Variants in GLG1 observed in about 807,000 individuals in gnomAD.
The protein encoded by GLG1 is Golgi apparatus protein 1.
GLG1 carries 38 observed loss-of-function variants against 160.5 expected under a neutral mutation model. The ratio of observed to expected loss-of-function variants is 0.24; its 90% confidence interval spans 0.18 to 0.31. The LOEUF (loss-of-function observed/expected upper bound fraction) is 0.31. Ranked by LOEUF, GLG1 falls within the 10% of genes least tolerant of loss-of-function variation. The pLI is 1.00. For synonymous variants in GLG1, 644 were observed against 543.4 expected, an observed-to-expected ratio of 1.19 and a Z score of -2.57; for missense variants, 1,373 against 1,505.2, an observed-to-expected ratio of 0.91 and a Z score of 1.45.
In GLG1 at chr16:74,589,592, G is replaced by A. The variant is rs79106234; in HGVS notation, c.438+17065C>T. Among the ~76,000 whole-genome samples the A allele has an allele frequency of 2.8e-3, 420 of 152,226 alleles. 4 individuals are homozygous for A. Among genetic ancestry groups the A allele is most frequent in the African/African-American group, 9.5e-3 (394 of 41,524 alleles). On this transcript the variant is annotated intron_variant, in intron 1 of 25. Transcript: ENST00000422840. ...CACTACACTATTTATTTGCGGGTGT[G>A]GGGCAGCAAGATGTGTATGGAGCCA...
intron 3 of GLG1, 65 bp downstream of exon 3, chr16:74,508,774 A>G (rs16958608): frequency 6.8e-6 from 5 of 736,756 alleles, no homozygotes; most frequent in Non-Finnish European, 1.0e-5. Flanking sequence ...TCTTCTCATA[A>G]GGGCTGGTCT....
intron 2 of GLG1, among the ~76,000 whole-genome samples, chr16:74,515,741 G>C (rs2016957603): frequency 6.6e-6 from 1 of 151,628 alleles, no homozygotes; most frequent in East Asian, 1.9e-4. Flanking sequence ...CCAATTAAAA[G>C]ACACAGATTG....
At chr16:74,551,460 A>G (rs995174755) in intron 1 of GLG1, among the ~76,000 whole-genome samples, 14 of 123,662 alleles carry the variant, frequency 1.1e-4, no homozygotes, top group Non-Finnish European at 2.3e-4. Context: ...GCACACCACC[A>G]TGTCTGGCTA....
chr16:74,591,219 T>A lies in GLG1; in HGVS notation c.438+15438A>T, dbSNP rs748625827. ...CTTGGCATGCACCTGTAGTCCCAGC[T>A]ACTCAGGAGGCTGACGCAGAAGAAT... On this transcript the variant is annotated intron_variant, in intron 1 of 25. Coordinates refer to ENST00000422840, the MANE Select transcript of GLG1 (RefSeq NM_001145667.2). Among the ~76,000 whole-genome samples, 95 of 151,768 alleles carry A rather than the reference T, an allele frequency of 6.3e-4. 2 individuals carry two copies. Among genetic ancestry groups the A allele is most frequent in the Non-Finnish European group, 2.1e-4 (14 of 67,982 alleles).
intron 9 of GLG1, among the ~76,000 whole-genome samples, chr16:74,484,565 A>AG (rs1189242258): frequency 6.6e-6 from 1 of 151,978 alleles, no homozygotes; most frequent in East Asian, 2.0e-4. Flanking sequence ...GTTCAAGACC[A>AG]GCCTAACCAA....
rs567614609 is a variant in GLG1, at chr16:74,453,200, G to A, written c.3507C>T (p.Thr1169=). The change falls in exon 26 of 26, where the codon ACC becomes ACT. Residue 1169 remains threonine, a synonymous_variant. Coordinates refer to ENST00000422840, the MANE Select transcript of GLG1 (RefSeq NM_001145667.2). The part of the protein sequence containing the change: ...FLIGLMCGRI[T]KRVTRELKDR Reference sequence around the variant, plus strand: ...CCTTGAGCTCTCGTGTCACTCGCTTGGTGATCCGTCCACACATCAGGCCAA... The same window carrying A: ...CCTTGAGCTCTCGTGTCACTCGCTTAGTGATCCGTCCACACATCAGGCCAA... 3.0e-5 allele frequency: 48 copies of A among 1,613,886 alleles called. No homozygotes were observed. Among genetic ancestry groups the A allele is most frequent in the Non-Finnish European group, 4.0e-5 (47 of 1,179,962 alleles).
rs1172759900 is a variant in GLG1 at position 74,540,060 on chromosome 16, ATATATATATAT to A, written c.439-7918_439-7908del. 1.6e-3 allele frequency among the ~76,000 whole-genome samples: 2 copies of A among 1,246 alleles called. 1 individual carries two copies. Among genetic ancestry groups the A allele is most frequent in the Non-Finnish European group, 4.7e-3 (2 of 422 alleles). 0.8% of individuals were successfully genotyped at this position (1,246 alleles called of 152,430 possible). A position where few individuals can be genotyped will look rare whatever the true frequency, so the allele number is the denominator to read the frequency against. On this transcript the variant is annotated intron_variant, in intron 1 of 25. Transcript: ENST00000422840. ...TTTATATATATATTATATATATTTT[ATATATATATAT>A]TATATATATTTTATATATATATTAT...
Position 74,493,129 on chromosome 16 carries a change from T to C in GLG1, c.1062A>G (p.Ala354=). 1.9e-6 allele frequency: 3 copies of C among 1,611,328 alleles called. No homozygotes were observed. Among genetic ancestry groups the C allele is most frequent in the Non-Finnish European group, 2.5e-6 (3 of 1,178,504 alleles). The stretch of plus-strand genomic sequence containing the variant: ...CAATCAGCTTTTGGCGGGTTGTAAG[T>C]GCTTCTCGACACTGAGGAAAGAGTA... ...EESMSEKCRE[A]LTTRQKLIAQ... The change falls in exon 7 of 26, where the codon GCA becomes GCG. Residue 354 remains alanine, a synonymous_variant. Coordinates refer to ENST00000422840, the MANE Select transcript of GLG1 (RefSeq NM_001145667.2).
intron 1 of GLG1, among the ~76,000 whole-genome samples, chr16:74,596,692 T>A (rs1214375906): frequency 6.6e-6 from 1 of 152,240 alleles, no homozygotes; most frequent in Non-Finnish European, 1.5e-5. Context: ...AGTCCTAGGT[T>A]ACTTATGCTT....
intron 3 of GLG1, among the ~76,000 whole-genome samples, chr16:74,504,126 G>A (rs1054827495): frequency 1.6e-4 from 24 of 152,144 alleles, no homozygotes; most frequent in African/African-American, 5.3e-4. Flanking sequence ...AGGAGACAGC[G>A]AGGGGATGAA....
intron 1 of GLG1, among the ~76,000 whole-genome samples, chr16:74,572,513 AAAAAAAAAACAAAC>A (rs1247989054): frequency 2.6e-4 from 35 of 135,408 alleles, no homozygotes; most frequent in East Asian, 1.4e-3. Context: ...ACTCTGTCTC[AAAAAAAAAACAAAC>A]AAAAAAAAAA....
At chr16:74,488,017 G>C (rs1567475314) in intron 8 of GLG1, among the ~76,000 whole-genome samples, 1 of 152,184 alleles carries the variant, frequency 6.6e-6, no homozygotes. Context: ...GCCTAGGAGA[G>C]CCTGGGCCCA....
At chr16:74,503,399 T>C in intron 4 of GLG1, 132 bp downstream of exon 4, 1 of 675,426 alleles carries the variant, frequency 1.5e-6, no homozygotes, top group Non-Finnish European at 2.6e-6. Context: ...CTCTTAGGGC[T>C]GTCTGGACAA....
chr16:74,507,787 T>C (rs893968064), intron 3 of GLG1, among the ~76,000 whole-genome samples: 2 of 151,594 alleles, frequency 1.3e-5, no homozygotes, highest in Non-Finnish European at 2.9e-5. Context: ...AGAGGGAAAA[T>C]ACAAACATTT....
chr16:74,604,619 A>G (rs1006566563), intron 1 of GLG1, among the ~76,000 whole-genome samples: 1 of 152,276 alleles, frequency 6.6e-6, no homozygotes, highest in Non-Finnish European at 1.5e-5. Flanking sequence ...CAGCAAATAC[A>G]AAACATATTC....
intron 1 of GLG1, among the ~76,000 whole-genome samples, chr16:74,600,337 G>A (rs1958411884): frequency 6.6e-6 from 1 of 151,852 alleles, no homozygotes; most frequent in Non-Finnish European, 1.5e-5. Flanking sequence ...AGGTTGCAGT[G>A]AGCCATGATC....
intron 2 of GLG1, among the ~76,000 whole-genome samples, chr16:74,509,501 G>C (rs1180088683): frequency 2.0e-5 from 3 of 151,894 alleles, no homozygotes; most frequent in Non-Finnish European, 4.4e-5. Context: ...TTTCATGGAG[G>C]AGAGTCGCCC....
intron 1 of GLG1, among the ~76,000 whole-genome samples, chr16:74,573,023 G>T (rs542565380): frequency 6.6e-6 from 1 of 152,222 alleles, no homozygotes; most frequent in Non-Finnish European, 1.5e-5. Flanking sequence ...ATTGGTTGTT[G>T]GTGGGGGTAA....
chr16:74,549,340 C>T (rs919511099), intron 1 of GLG1, among the ~76,000 whole-genome samples: 11 of 151,976 alleles, frequency 7.2e-5, no homozygotes, highest in African/African-American at 2.2e-4. Context: ...GTTGCCCAGG[C>T]TGAAGTGCAG....
Sources: allele counts gnomAD v4.1 joint callset (sites outside exome capture counted in the v4.1 genomes callset), GRCh38; gene constraint gnomAD v4.1.1; transcripts MANE v1.5; gene names NCBI Gene and HGNC (gene_info 2026-07-23, HGNC 2026-07-21).